STK39: variants seen among roughly 807,000 people sequenced by gnomAD.
STK39 encodes STE20/SPS1-related proline-alanine-rich protein kinase.
STK39 carries 20 observed loss-of-function variants against 77.8 expected under a neutral mutation model. That is an observed-to-expected ratio of 0.26 (90% CI 0.18 to 0.37). The LOEUF (loss-of-function observed/expected upper bound fraction) is 0.37. Ranked by LOEUF, STK39 falls within the 10% of genes least tolerant of loss-of-function variation. STK39 has a pLI of 1.00. For synonymous variants in STK39, 246 were observed against 234.1 expected, an observed-to-expected ratio of 1.05 and a Z score of -0.47; for missense variants, 479 against 656.5, an observed-to-expected ratio of 0.73 and a Z score of 2.95.
chr2:168,221,293 TCA>T (rs1690162024), intron 1 of STK39, among the ~76,000 whole-genome samples: 1 of 152,170 alleles, frequency 6.6e-6, no homozygotes, highest in Non-Finnish European at 1.5e-5. Context: ...ATTGATTGTC[TCA>T]GAGTCCAGAG....
rs534830540 is a variant in STK39 at position 168,136,211 on chromosome 2, C to CA, written c.974+1876dup. On this transcript the variant is annotated intron_variant, in intron 8 of 17. Coordinates refer to ENST00000355999, the MANE Select transcript of STK39 (RefSeq NM_013233.3). ...GTGAAACCCCGTCTCTACTAAAATA[C>CA]AAAAAAAATTAGCCTGGCGTGGTGA... 1.0e-3 allele frequency among the ~76,000 whole-genome samples: 156 copies of CA among 150,724 alleles called. 2 individuals carry two copies. The highest frequency in any genetic ancestry group is 1.7e-3 in the South Asian group (8 of 4,790).
chr2:168,145,356 C>T (rs1000582893), intron 5 of STK39, among the ~76,000 whole-genome samples: 7 of 152,106 alleles, frequency 4.6e-5, no homozygotes, highest in South Asian at 2.1e-4. Context: ...GTCTCTGTGA[C>T]GGGAGACTTT....
At chr2:168,023,246 T>C (rs531466453) in intron 14 of STK39, among the ~76,000 whole-genome samples, 1 of 151,712 alleles carries the variant, frequency 6.6e-6, no homozygotes, top group South Asian at 2.1e-4. Flanking sequence ...GTAATTGATG[T>C]TCAGTGCTGA....
intron 14 of STK39, among the ~76,000 whole-genome samples, chr2:168,054,568 T>C (rs1458500169): frequency 6.6e-6 from 1 of 152,198 alleles, no homozygotes; most frequent in African/African-American, 2.4e-5. Context: ...AAAAATGAAG[T>C]AAAATGCCAG....
At chr2:168,053,746 A>G (rs535559839) in intron 14 of STK39, among the ~76,000 whole-genome samples, 1 of 152,340 alleles carries the variant, frequency 6.6e-6, no homozygotes, top group Non-Finnish European at 1.5e-5. Flanking sequence ...TACCAGCAGA[A>G]GGATTTTGTA....
At chr2:168,120,977 A>G (rs1687390771) in intron 10 of STK39, among the ~76,000 whole-genome samples, 1 of 128,128 alleles carries the variant, frequency 7.8e-6, no homozygotes, top group Admixed American at 7.8e-5. Flanking sequence ...TGCCTGTAGC[A>G]TCTCCTAGTG....
In STK39 at chr2:168,016,150, A is replaced by T. The variant is rs548998703; in HGVS notation, c.1429+893T>A. 2.8e-4 allele frequency among the ~76,000 whole-genome samples: 42 copies of T among 151,862 alleles called. 1 individual carries two copies. The South Asian group carries it at 3.1e-3, about 11-fold the overall frequency. ...ACCATGTTGGCCAGGCTGATCTCACACTCCTAGCCTCAAGTGATCCACCCA... is the reference window on the plus strand; with the variant it reads ...ACCATGTTGGCCAGGCTGATCTCACTCTCCTAGCCTCAAGTGATCCACCCA... On this transcript the variant is annotated intron_variant, in intron 15 of 17. Transcript: ENST00000355999.
intron 1 of STK39, among the ~76,000 whole-genome samples, chr2:168,242,823 T>C (rs2105283277): frequency 6.7e-6 from 1 of 149,690 alleles, no homozygotes; most frequent in East Asian, 2.0e-4. Context: ...AGCCCAAGAG[T>C]TCGAGGCTGC....
At chr2:168,139,405 A>ATTTAT (rs57900746) in intron 7 of STK39, among the ~76,000 whole-genome samples, 2,317 of 139,434 alleles carry the variant, frequency 0.017, 44 homozygotes, top group African/African-American at 0.053. Context: ...TGTTAAAAAA[A>ATTTAT]ATTTATATAT....
At chr2:168,064,341 T>C (rs901866634) in intron 13 of STK39, among the ~76,000 whole-genome samples, 4 of 152,252 alleles carry the variant, frequency 2.6e-5, no homozygotes, top group Non-Finnish European at 5.9e-5. Context: ...TTGCCTTTTA[T>C]CATTCAACCA....
At chr2:168,011,204 C>A (rs550201385) in intron 16 of STK39, among the ~76,000 whole-genome samples, 5 of 152,062 alleles carry the variant, frequency 3.3e-5, no homozygotes, top group Non-Finnish European at 5.9e-5. Context: ...GAGGCTGAGG[C>A]ACGAGAATTG....
intron 16 of STK39, among the ~76,000 whole-genome samples, chr2:167,974,067 T>A (rs1683195581): frequency 6.6e-6 from 1 of 152,182 alleles, no homozygotes; most frequent in Admixed American, 6.5e-5. Context: ...AATGCAAGGA[T>A]GAAATTTGGC....
At chr2:167,996,739 CT>C (rs1458482885) in intron 16 of STK39, among the ~76,000 whole-genome samples, 2 of 152,010 alleles carry the variant, frequency 1.3e-5, no homozygotes, top group Admixed American at 1.3e-4. Context: ...TAGACTCCCC[CT>C]GAAACTGGTG....
rs142173857 is a variant in STK39 at position 168,159,242 on chromosome 2, A to G, written c.628+2545T>C. On this transcript the variant is annotated intron_variant, in intron 5 of 17. Coordinates refer to ENST00000355999, the MANE Select transcript of STK39 (RefSeq NM_013233.3). ...TTTCAAACTACAGGGCCTCAGAGGC[A>G]TAAAGATACAAAGGGGAAAGAGCAA... is the stretch of plus-strand genomic sequence containing the variant. 7.9e-3 allele frequency among the ~76,000 whole-genome samples: 1,202 copies of G among 152,338 alleles called. 14 individuals are homozygous for G. Among genetic ancestry groups the G allele is most frequent in the African/African-American group, 0.027 (1,140 of 41,582 alleles).
chr2:168,149,219 G>T (rs914493744), intron 5 of STK39, among the ~76,000 whole-genome samples: 1 of 152,234 alleles, frequency 6.6e-6, no homozygotes, highest in Non-Finnish European at 1.5e-5. Context: ...CCCTTGCAGT[G>T]AAGTTTTTCT....
At chr2:168,002,192 G>A (rs1684018721) in intron 16 of STK39, among the ~76,000 whole-genome samples, 1 of 152,180 alleles carries the variant, frequency 6.6e-6, no homozygotes. Context: ...GTTTTAAAGA[G>A]GATATACAAC....
At chr2:168,238,473 T>C (rs1690676823) in intron 1 of STK39, among the ~76,000 whole-genome samples, 1 of 152,232 alleles carries the variant, frequency 6.6e-6, no homozygotes, top group Non-Finnish European at 1.5e-5. Flanking sequence ...AAGTCAGGGA[T>C]AATATGAATG....
chr2:168,150,722 GATATC>G lies in STK39; in HGVS notation c.629-9969_629-9965del, dbSNP rs1463668555. Among the ~76,000 whole-genome samples, 3 of 151,838 alleles carry G rather than the reference GATATC, an allele frequency of 2.0e-5. No homozygotes were observed. The East Asian group carries it at 6.0e-4, about 30-fold the overall frequency. ...AACCACATTACCTTTGCACCAACCT[GATATC>G]ATATTATTAGAGTGATAACCTTGAA... On this transcript the variant is annotated intron_variant, in intron 5 of 17. Coordinates refer to ENST00000355999, the MANE Select transcript of STK39 (RefSeq NM_013233.3).
At chr2:168,237,694 G>C (rs1033678857) in intron 1 of STK39, among the ~76,000 whole-genome samples, 4 of 152,130 alleles carry the variant, frequency 2.6e-5, no homozygotes, top group African/African-American at 9.7e-5. Context: ...GGGACCATAG[G>C]CAAGTTTCTT....
Sources: allele counts gnomAD v4.1 joint callset (sites outside exome capture counted in the v4.1 genomes callset), GRCh38; gene constraint gnomAD v4.1.1; transcripts MANE v1.5; gene names NCBI Gene and HGNC (gene_info 2026-07-23, HGNC 2026-07-21).